Variants in SLIT2 observed in about 807,000 individuals in gnomAD.
The protein encoded by SLIT2 is slit guidance ligand 2, also known as slit homolog 2 protein.
SLIT2 carries 41 observed loss-of-function variants against 185.7 expected under a neutral mutation model. The observed-to-expected ratio is 0.22, with a 90% confidence interval of 0.17 to 0.29. The LOEUF (loss-of-function observed/expected upper bound fraction) is 0.29. SLIT2 is among the 10% of genes least tolerant of loss of function. The pLI is 1.00. For synonymous variants in SLIT2, 693 were observed against 680.2 expected, an observed-to-expected ratio of 1.02 and a Z score of -0.29; for missense variants, 1,571 against 1,909.0, an observed-to-expected ratio of 0.82 and a Z score of 3.30.
At chr4:20,354,080 C>G (rs1373466752) in intron 4 of SLIT2, among the ~76,000 whole-genome samples, 1 of 152,146 alleles carries the variant, frequency 6.6e-6, no homozygotes, top group Non-Finnish European at 1.5e-5. Flanking sequence ...AGTATCCTTT[C>G]ACAGTTTGCT....
intron 29 of SLIT2, among the ~76,000 whole-genome samples, chr4:20,581,464 C>A (rs1390868845): frequency 1.3e-5 from 2 of 152,094 alleles, no homozygotes; most frequent in African/African-American, 2.4e-5. Flanking sequence ...CTGTTTGCAC[C>A]AGAAAACCTG....
chr4:20,480,866 G>A, intron 6 of SLIT2, 79 bp downstream of exon 6: 2 of 1,006,038 alleles, frequency 2.0e-6, no homozygotes, highest in Non-Finnish European at 3.1e-6. Flanking sequence ...TTATCTGCTA[G>A]CTTAAAACCT....
chr4:20,384,506 G>C lies in SLIT2; in HGVS notation c.396-83246G>C, dbSNP rs548730729. Among the ~76,000 whole-genome samples, 79 of 152,084 alleles carry C rather than the reference G, an allele frequency of 5.2e-4. No individual in the cohort carries two copies. In the South Asian group the frequency reaches 0.014, roughly 28 times the overall value. ...TTACTGCTCATAAATTATACCGCAG[G>C]AAAACCGACTAAAAATAAGATATAA... On this transcript the variant is annotated intron_variant, in intron 4 of 36. Coordinates refer to ENST00000504154, the MANE Select transcript of SLIT2 (RefSeq NM_004787.4).
intron 4 of SLIT2, among the ~76,000 whole-genome samples, chr4:20,304,180 A>T (rs1717319187): frequency 6.6e-6 from 1 of 152,168 alleles, no homozygotes; most frequent in African/African-American, 2.4e-5. Flanking sequence ...ATATTATTGT[A>T]AACTACTCAA....
At chr4:20,420,084 A>G (rs533119455) in intron 4 of SLIT2, among the ~76,000 whole-genome samples, 1 of 152,314 alleles carries the variant, frequency 6.6e-6, no homozygotes, top group Admixed American at 6.5e-5. Context: ...TCTAATATCC[A>G]AATCATTCCC....
chr4:20,471,915 G>A (rs973345428), intron 5 of SLIT2, among the ~76,000 whole-genome samples: 1 of 151,708 alleles, frequency 6.6e-6, no homozygotes, highest in African/African-American at 2.4e-5. Flanking sequence ...TTCTTAACTC[G>A]ATTAAATTTT....
At chr4:20,600,390 T>C (rs886166568) in intron 33 of SLIT2, among the ~76,000 whole-genome samples, 2 of 151,678 alleles carry the variant, frequency 1.3e-5, no homozygotes, top group African/African-American at 4.8e-5. Context: ...CTTGTGACAT[T>C]TATAAAGGGA....
chr4:20,277,727 A>C (rs1421326806), intron 4 of SLIT2, among the ~76,000 whole-genome samples: 1 of 147,580 alleles, frequency 6.8e-6, no homozygotes, highest in Non-Finnish European at 1.5e-5. Context: ...CATCATGATG[A>C]AAGATTTTCA....
intron 3 of SLIT2, among the ~76,000 whole-genome samples, chr4:20,264,670 T>C (rs960018954): frequency 3.3e-5 from 5 of 151,906 alleles, no homozygotes; most frequent in Admixed American, 1.3e-4. Flanking sequence ...GAATCAGTGT[T>C]TCAGAGGCCA....
At chr4:20,554,065 T>G in intron 26 of SLIT2, 97 bp downstream of exon 26, 2 of 998,444 alleles carry the variant, frequency 2.0e-6, no homozygotes, top group Non-Finnish European at 2.9e-6. Context: ...ATGGTTGAAA[T>G]GCCCAGTAAA....
At chr4:20,445,376 C>A (rs1711647699) in intron 4 of SLIT2, among the ~76,000 whole-genome samples, 1 of 152,080 alleles carries the variant, frequency 6.6e-6, no homozygotes, top group Non-Finnish European at 1.5e-5. Flanking sequence ...CTTTAAAAAT[C>A]AAATGAATTT....
intron 5 of SLIT2, among the ~76,000 whole-genome samples, chr4:20,470,112 AAAG>A (rs1186018976): frequency 6.6e-6 from 1 of 152,060 alleles, no homozygotes; most frequent in African/African-American, 2.4e-5. Flanking sequence ...GTTATTAGGG[AAAG>A]AAGATGTATG....
intron 4 of SLIT2, among the ~76,000 whole-genome samples, chr4:20,429,678 A>T (rs73108641): frequency 2.6e-5 from 4 of 152,190 alleles, no homozygotes; most frequent in Non-Finnish European, 5.9e-5. Context: ...AGAATTGAGT[A>T]TTTCAGCTGA....
intron 4 of SLIT2, among the ~76,000 whole-genome samples, chr4:20,434,203 G>T (rs1560419733): frequency 6.6e-6 from 1 of 152,098 alleles, no homozygotes; most frequent in Admixed American, 6.5e-5. Flanking sequence ...AAATGGGGAA[G>T]GAGGCTGGGC....
chr4:20,334,119 C>A (rs2109209291), intron 4 of SLIT2, among the ~76,000 whole-genome samples: 1 of 152,230 alleles, frequency 6.6e-6, no homozygotes, highest in African/African-American at 2.4e-5. Flanking sequence ...ATCATCCCAT[C>A]TCTAGAGAGA....
chr4:20,425,000 C>T lies in SLIT2; in HGVS notation c.396-42752C>T, dbSNP rs1228264342. On this transcript the variant is annotated intron_variant, in intron 4 of 36. Transcript: ENST00000504154. The stretch of plus-strand genomic sequence containing the variant: ...AGTTGATTGATAAGGCATAATTTGT[C>T]TCATGAAAACCCTTGTCTTTTTCCC... 2.0e-5 allele frequency among the ~76,000 whole-genome samples: 3 copies of T among 151,996 alleles called. No homozygotes were observed. The East Asian group carries it at 5.8e-4, about 29-fold the overall frequency.
intron 4 of SLIT2, among the ~76,000 whole-genome samples, chr4:20,421,837 C>T (rs1398365968): frequency 1.3e-5 from 2 of 152,154 alleles, no homozygotes; most frequent in Non-Finnish European, 2.9e-5. Context: ...TCCCTTTCTC[C>T]ATTTGACAGC....
At chr4:20,297,617 T>TA (rs1376523623) in intron 4 of SLIT2, among the ~76,000 whole-genome samples, 7 of 152,070 alleles carry the variant, frequency 4.6e-5, no homozygotes, top group Non-Finnish European at 8.8e-5. Context: ...TGAAATAGGG[T>TA]AGGGTGACTG....
chr4:20,576,380 T>C (rs1443488649), intron 29 of SLIT2, among the ~76,000 whole-genome samples: 1 of 152,208 alleles, frequency 6.6e-6, no homozygotes, highest in Non-Finnish European at 1.5e-5. Context: ...TATTTAGGGA[T>C]AGGTCTTTGG....
Sources: gnomAD v4.1 joint callset for allele counts (sites outside exome capture counted in the v4.1 genomes callset) on GRCh38, gnomAD v4.1.1 for gene constraint, MANE v1.5 for transcripts, NCBI Gene and HGNC (gene_info 2026-07-23, HGNC 2026-07-21) for gene names.